Variants in TRAK1 observed in about 807,000 individuals in gnomAD.
The protein encoded by TRAK1 is trafficking kinesin-binding protein 1.
A neutral mutation model predicts 92.1 loss-of-function variants in TRAK1; 33 were observed. The ratio of observed to expected loss-of-function variants is 0.36; its 90% CI spans 0.27 to 0.48. TRAK1 has a LOEUF of 0.48. TRAK1 is among the 20% of genes least tolerant of loss of function. The pLI is 0.99. For missense variants in TRAK1, 1,123 were observed against 1,257.9 expected, an observed-to-expected ratio of 0.89 and a Z score of 1.62; for synonymous variants, 521 against 517.3, an observed-to-expected ratio of 1.01 and a Z score of -0.10.
intron 11 of TRAK1, 83 bp from the exon 12 acceptor site, chr3:42,200,735 G>A: frequency 7.0e-7 from 1 of 1,429,004 alleles, no homozygotes; most frequent in Non-Finnish European, 9.8e-7. Context: ...TGCCCTTTTG[G>A]CTCAGTTGAT....
intron 2 of TRAK1, among the ~76,000 whole-genome samples, chr3:42,130,319 A>G (rs78827084): frequency 0.011 from 530 of 48,946 alleles, 1 homozygote; most frequent in African/African-American, 0.041. Flanking sequence ...TGATTGAGGG[A>G]AAAAAAAAAA....
intron 2 of TRAK1, among the ~76,000 whole-genome samples, chr3:42,132,670 A>G (rs1697371437): frequency 1.3e-5 from 2 of 152,084 alleles, no homozygotes; most frequent in South Asian, 4.1e-4. Flanking sequence ...CCCCACCGTC[A>G]GGCATAGTCA....
At chr3:42,169,995 G>A (rs1452762700) in intron 2 of TRAK1, among the ~76,000 whole-genome samples, 1 of 152,204 alleles carries the variant, frequency 6.6e-6, no homozygotes, top group Non-Finnish European at 1.5e-5. Flanking sequence ...AGAAGGAAAT[G>A]GCAGGCACAC....
At chr3:42,128,142 G>A (rs9681664) in intron 2 of TRAK1, among the ~76,000 whole-genome samples, 4,431 of 152,296 alleles carry the variant, frequency 0.029, 232 homozygotes, top group African/African-American at 0.1. Context: ...TCGTGCCATT[G>A]TACTCCAGCC....
At chr3:42,162,703 C>CT (rs1481106031) in intron 2 of TRAK1, among the ~76,000 whole-genome samples, 4 of 152,010 alleles carry the variant, frequency 2.6e-5, no homozygotes, top group African/African-American at 9.7e-5. Context: ...TCAATCCTGC[C>CT]TTTTGTTCTA....
chr3:42,209,132 CTT>C (rs1708667562), intron 13 of TRAK1, among the ~76,000 whole-genome samples: 1 of 152,194 alleles, frequency 6.6e-6, no homozygotes, highest in Non-Finnish European at 1.5e-5. Flanking sequence ...AATCACACCT[CTT>C]TAACCCAATT....
intron 1 of TRAK1, among the ~76,000 whole-genome samples, chr3:42,113,676 A>G (rs865989856): frequency 6.6e-6 from 1 of 151,796 alleles, no homozygotes; most frequent in Admixed American, 6.6e-5. Flanking sequence ...CAGCCTCCCA[A>G]AGTTCTGGGA....
chr3:42,018,132 G>T (rs1701597167), intron 1 of TRAK1, among the ~76,000 whole-genome samples: 1 of 151,334 alleles, frequency 6.6e-6, no homozygotes, highest in Admixed American at 6.6e-5. Context: ...GTCAGGTGTG[G>T]TGATGTGCAC....
chr3:42,096,500 C>T (rs771459289), intron 1 of TRAK1, among the ~76,000 whole-genome samples: 3 of 152,188 alleles, frequency 2.0e-5, no homozygotes, highest in East Asian at 1.9e-4. Flanking sequence ...GTGATCTGCC[C>T]GCCTCGACCT....
intron 2 of TRAK1, among the ~76,000 whole-genome samples, chr3:42,172,287 C>T (rs1160561926): frequency 2.0e-5 from 3 of 152,158 alleles, no homozygotes; most frequent in South Asian, 4.1e-4. Context: ...TTGGGGGCAC[C>T]GCATCTTGCC....
Position 42,057,648 on chromosome 3 carries a change from C to T in TRAK1, c.-518-29456C>T, listed in dbSNP as rs1336643191. Among the ~76,000 whole-genome samples, 3 of 152,054 alleles carry T rather than the reference C, an allele frequency of 2.0e-5. No individual in the cohort carries two copies. In the East Asian group the frequency reaches 5.8e-4, roughly 29 times the overall value. ...TGCTGGTGATGCTGTATCTGCTGCTCTCATCTTGTGATCTGAGGAGAACCT... is the reference window on the plus strand; with the variant it reads ...TGCTGGTGATGCTGTATCTGCTGCTTTCATCTTGTGATCTGAGGAGAACCT... On this transcript the variant is annotated intron_variant, in intron 1 of 16. Coordinates refer to the TRAK1 transcript ENST00000487159.
intron 1 of TRAK1, among the ~76,000 whole-genome samples, chr3:42,124,735 C>T (rs911749609): frequency 1.3e-5 from 2 of 152,290 alleles, no homozygotes; most frequent in Admixed American, 1.3e-4. Context: ...GACAAAATGG[C>T]ATGTCAGTAT....
intron 2 of TRAK1, among the ~76,000 whole-genome samples, chr3:42,138,610 G>A (rs2149205993): frequency 6.6e-6 from 1 of 151,932 alleles, no homozygotes; most frequent in African/African-American, 2.4e-5. Flanking sequence ...ACACTGGCCA[G>A]ATGTGGCGGC....
chr3:42,160,565 T>A, intron 2 of TRAK1: 4 of 1,283,432 alleles, frequency 3.1e-6, no homozygotes, highest in Non-Finnish European at 4.2e-6. Context: ...ACTGTTTTGT[T>A]TTTGTTTTTT....
chr3:42,102,706 C>T (rs1055935643), intron 1 of TRAK1, among the ~76,000 whole-genome samples: 1 of 152,128 alleles, frequency 6.6e-6, no homozygotes, highest in Non-Finnish European at 1.5e-5. Flanking sequence ...AGTGTGCATG[C>T]GGGCCCCTAG....
intron 1 of TRAK1, among the ~76,000 whole-genome samples, chr3:42,016,852 A>T (rs1701546763): frequency 6.6e-6 from 1 of 152,184 alleles, no homozygotes; most frequent in Non-Finnish European, 1.5e-5. Context: ...ATATTCAGTA[A>T]AGCCTTTTGT....
At chr3:42,041,676 T>C (rs1252839107) in intron 1 of TRAK1, among the ~76,000 whole-genome samples, 1 of 152,064 alleles carries the variant, frequency 6.6e-6, no homozygotes, top group East Asian at 1.9e-4. Flanking sequence ...GATGCCCTCC[T>C]GATCATAGGG....
chr3:42,136,372 C>T (rs1697954101), intron 2 of TRAK1, among the ~76,000 whole-genome samples: 1 of 152,072 alleles, frequency 6.6e-6, no homozygotes, highest in South Asian at 2.1e-4. Flanking sequence ...CACTTATAAT[C>T]CCAGTGCTTT....
At chr3:42,169,339 T>A (rs1284102858) in intron 2 of TRAK1, among the ~76,000 whole-genome samples, 1 of 152,182 alleles carries the variant, frequency 6.6e-6, no homozygotes, top group East Asian at 1.9e-4. Flanking sequence ...ACATACCTAC[T>A]GTGTTTATTC....
Sources: allele counts gnomAD v4.1 joint callset (sites outside exome capture counted in the v4.1 genomes callset), GRCh38; gene constraint gnomAD v4.1.1; transcripts MANE v1.5; gene names NCBI Gene and HGNC (gene_info 2026-07-23, HGNC 2026-07-21).